ZNF804B: variants seen among roughly 807,000 people sequenced by gnomAD.
ZNF804B encodes zinc finger 804B.
In ZNF804B, 80 loss-of-function variants were observed where a neutral mutation model predicts 101.4. That is an observed-to-expected ratio of 0.79 (90% CI 0.66 to 0.95). ZNF804B has a LOEUF of 0.95. Among genes scored for constraint, ZNF804B ranks in the 40% least tolerant of loss-of-function variants. The pLI is 0.00. For synonymous variants in ZNF804B, 622 were observed against 558.8 expected (o/e 1.11, Z -1.59); for missense variants, 1,673 against 1,561.9 (o/e 1.07, Z -1.20).
intron 2 of ZNF804B, among the ~76,000 whole-genome samples, chr7:89,243,732 G>A (rs1353399606): frequency 2.0e-5 from 3 of 151,568 alleles, no homozygotes; most frequent in Non-Finnish European, 4.4e-5. Flanking sequence ...TAAAGAAGGG[G>A]GAAAGTCATA....
chr7:89,118,967 C>G (rs1306912047), intron 1 of ZNF804B, among the ~76,000 whole-genome samples: 1 of 152,178 alleles, frequency 6.6e-6, no homozygotes, highest in African/African-American at 2.4e-5. Flanking sequence ...TTCTATTGTG[C>G]ATTTCCAGTC....
chr7:89,116,060 A>G (rs1681400338), intron 1 of ZNF804B, among the ~76,000 whole-genome samples: 2 of 126,588 alleles, frequency 1.6e-5, no homozygotes, highest in South Asian at 2.7e-4. Flanking sequence ...ACATGCCACC[A>G]TGCCCAGTTA....
chr7:89,235,881 G>A (rs1789271408), intron 2 of ZNF804B, among the ~76,000 whole-genome samples: 1 of 151,660 alleles, frequency 6.6e-6, no homozygotes, highest in Non-Finnish European at 1.5e-5. Context: ...GTAAATAAAT[G>A]TGTATCAAAA....
chr7:88,889,370 C>T (rs563760584), intron 1 of ZNF804B, among the ~76,000 whole-genome samples: 12 of 152,024 alleles, frequency 7.9e-5, no homozygotes, highest in Middle Eastern at 6.8e-3. Context: ...ATCTCCATAA[C>T]GATGGCTAAA....
intron 1 of ZNF804B, among the ~76,000 whole-genome samples, chr7:89,007,677 A>G (rs1693197012): frequency 6.7e-6 from 1 of 148,342 alleles, no homozygotes; most frequent in South Asian, 2.1e-4. Context: ...GCAGCTGTAT[A>G]GAAGCAAATA....
chr7:89,049,982 A>C (rs550915879), intron 1 of ZNF804B, among the ~76,000 whole-genome samples: 2 of 152,308 alleles, frequency 1.3e-5, no homozygotes, highest in East Asian at 3.9e-4. Context: ...ACTGCACTCC[A>C]GACTGGATGG....
chr7:88,997,201 T>C (rs1309372912), intron 1 of ZNF804B, among the ~76,000 whole-genome samples: 1 of 152,094 alleles, frequency 6.6e-6, no homozygotes, highest in Non-Finnish European at 1.5e-5. Flanking sequence ...AATTATCTAA[T>C]CAGTCATTAA....
At chr7:89,316,322 A>G (rs1790725347) in intron 2 of ZNF804B, among the ~76,000 whole-genome samples, 1 of 152,152 alleles carries the variant, frequency 6.6e-6, no homozygotes, top group African/African-American at 2.4e-5. Flanking sequence ...GACCCTCATC[A>G]TCCTGGCATT....
intron 1 of ZNF804B, among the ~76,000 whole-genome samples, chr7:88,881,337 G>A (rs1452610120): frequency 6.6e-6 from 1 of 152,086 alleles, no homozygotes; most frequent in Admixed American, 6.5e-5. Context: ...ATATTGCTGA[G>A]TTAGCACCAT....
chr7:88,842,189 G>T (rs1012542462), intron 1 of ZNF804B, among the ~76,000 whole-genome samples: 1 of 152,106 alleles, frequency 6.6e-6, no homozygotes, highest in Non-Finnish European at 1.5e-5. Context: ...CCCTAAGGTT[G>T]TCTTAATGAC....
chr7:89,298,862 T>C (rs2115916474), intron 2 of ZNF804B, among the ~76,000 whole-genome samples: 1 of 152,014 alleles, frequency 6.6e-6, no homozygotes, highest in African/African-American at 2.4e-5. Flanking sequence ...ACCAGCTATG[T>C]GTGAAAGTTG....
intron 1 of ZNF804B, chr7:88,794,123 T>A (rs753441105): frequency 7.1e-7 from 1 of 1,416,996 alleles, no homozygotes; most frequent in Non-Finnish European, 9.5e-7. Flanking sequence ...AAAAATGTTT[T>A]TTTTATTTAA....
At chr7:89,116,038 G>T (rs1256405611) in intron 1 of ZNF804B, among the ~76,000 whole-genome samples, 4 of 151,294 alleles carry the variant, frequency 2.6e-5, no homozygotes, top group Non-Finnish European at 5.9e-5. Flanking sequence ...CTGAGTAGCT[G>T]GGACTACAGG....
At chr7:88,845,364 C>T (rs117166570) in intron 1 of ZNF804B, among the ~76,000 whole-genome samples, 2,139 of 151,816 alleles carry the variant, frequency 0.014, 23 homozygotes, top group Middle Eastern at 0.041. Flanking sequence ...TCTTGTCCAC[C>T]TGGATCTTAG....
intron 1 of ZNF804B, among the ~76,000 whole-genome samples, chr7:89,203,643 G>A (rs116300202): frequency 0.013 from 1,967 of 152,020 alleles, 41 homozygotes; most frequent in African/African-American, 0.045. Context: ...GCCTGGAGCC[G>A]CCAGTTTGAA....
intron 2 of ZNF804B, among the ~76,000 whole-genome samples, chr7:89,248,671 G>A (rs576103492): frequency 6.6e-6 from 1 of 152,108 alleles, no homozygotes; most frequent in African/African-American, 2.4e-5. Context: ...TACAATACCT[G>A]CTACCACAAA....
intron 1 of ZNF804B, among the ~76,000 whole-genome samples, chr7:88,784,958 A>G (rs1377715793): frequency 6.6e-6 from 1 of 152,040 alleles, no homozygotes; most frequent in Non-Finnish European, 1.5e-5. Flanking sequence ...CAAGATTTAG[A>G]ATGAGGCTTT....
chr7:89,256,880 A>G (rs1346545342), intron 2 of ZNF804B, among the ~76,000 whole-genome samples: 1 of 152,228 alleles, frequency 6.6e-6, no homozygotes, highest in Admixed American at 6.5e-5. Context: ...ATTCACTTTC[A>G]TAACATCTGG....
chr7:88,776,779 A>ACCC (rs1202149768), intron 1 of ZNF804B, among the ~76,000 whole-genome samples: 1 of 63,054 alleles, frequency 1.6e-5, no homozygotes. Flanking sequence ...GTAACCCATA[A>ACCC]ACCCCCCCCC....
Sources: allele counts gnomAD v4.1 joint callset (sites outside exome capture counted in the v4.1 genomes callset), GRCh38; gene constraint gnomAD v4.1.1; transcripts MANE v1.5; gene names NCBI Gene and HGNC (gene_info 2026-07-23, HGNC 2026-07-21).